UBXN2B: variants seen among roughly 807,000 people sequenced by gnomAD.
UBXN2B encodes the protein UBX domain protein 2B.
Under a neutral mutation model 37.5 loss-of-function variants are expected in UBXN2B, and 19 were observed. The ratio of observed to expected loss-of-function variants is 0.51; its 90% confidence interval spans 0.35 to 0.74. The LOEUF (loss-of-function observed/expected upper bound fraction) is 0.74. Ranked by LOEUF, UBXN2B falls within the 30% of genes least tolerant of loss-of-function variation. UBXN2B has a pLI of 0.01. For synonymous variants in UBXN2B, 145 were observed against 143.8 expected (o/e 1.01, Z -0.06); for missense variants, 370 against 393.2 (o/e 0.94, Z 0.50).
At chr8:58,427,169 A>G (rs1808122641) in intron 2 of UBXN2B, among the ~76,000 whole-genome samples, 9 of 152,230 alleles carry the variant, frequency 5.9e-5, no homozygotes, top group Admixed American at 5.9e-4. Context: ...GAATGAGGTA[A>G]TAAGATTTTG....
chr8:58,425,465 C>G, intron 2 of UBXN2B: 3 of 1,127,154 alleles, frequency 2.7e-6, no homozygotes, highest in Non-Finnish European at 4.1e-6. Context: ...TTGATGTCAT[C>G]TGAAACAGGC....
At chr8:58,419,811 T>A (rs576728728) in intron 2 of UBXN2B, among the ~76,000 whole-genome samples, 61 of 152,056 alleles carry the variant, frequency 4.0e-4, no homozygotes, top group African/African-American at 1.5e-3. Flanking sequence ...GCAAATAAGG[T>A]TGGATAGATG....
At chr8:58,412,467 A>T (rs1381141460) in intron 1 of UBXN2B, among the ~76,000 whole-genome samples, 2 of 152,350 alleles carry the variant, frequency 1.3e-5, no homozygotes, top group East Asian at 1.9e-4. Context: ...ATGGAGTATG[A>T]TTGGGTGCCA....
At chr8:58,430,262 G>A (rs1363035384) in intron 2 of UBXN2B, among the ~76,000 whole-genome samples, 1 of 152,200 alleles carries the variant, frequency 6.6e-6, no homozygotes, top group Non-Finnish European at 1.5e-5. Context: ...TGAGGGATCA[G>A]CAAGCAAGCC....
At chr8:58,440,023 T>C (rs887519026) in intron 6 of UBXN2B, among the ~76,000 whole-genome samples, 10 of 152,254 alleles carry the variant, frequency 6.6e-5, no homozygotes, top group East Asian at 1.9e-4. Context: ...CTAAGCCGTA[T>C]ACATGTGTTA....
chr8:58,438,284 C>T (rs1388780684), intron 5 of UBXN2B, among the ~76,000 whole-genome samples: 4 of 152,230 alleles, frequency 2.6e-5, no homozygotes, highest in Non-Finnish European at 1.5e-5. Flanking sequence ...AGCCCCCAGA[C>T]AGAGTCCCCA....
At chr8:58,447,274 T>C (rs1808703173) in intron 7 of UBXN2B, 115 bp from the exon 8 acceptor site, 1 of 971,956 alleles carries the variant, frequency 1.0e-6, no homozygotes, top group Non-Finnish European at 1.5e-6. Context: ...TAAAGAAAGT[T>C]ACAACACCTT....
At chr8:58,423,104 A>G (rs1198903277) in intron 2 of UBXN2B, among the ~76,000 whole-genome samples, 2 of 151,814 alleles carry the variant, frequency 1.3e-5, no homozygotes, top group African/African-American at 4.8e-5. Context: ...CATCATCATC[A>G]TCATCATCAT....
intron 2 of UBXN2B, chr8:58,424,690 G>GA (rs1299614093): frequency 7.6e-7 from 1 of 1,321,654 alleles, no homozygotes; most frequent in Non-Finnish European, 1.1e-6. Flanking sequence ...TACAAGGCGG[G>GA]GGGGGGGGCT....
At position 58,447,469 on chromosome 8, in the gene UBXN2B, C is replaced by T. The variant is rs766530496; in HGVS notation, c.914C>T (p.Pro305Leu). 23 of 1,613,170 alleles carry T rather than the reference C, an allele frequency of 1.4e-5. No individual in the cohort carries two copies. The highest frequency in any genetic ancestry group is 6.7e-5 in the East Asian group (3 of 44,842). ...GACTTTATTCTTGTGACTTCATTTCCGAATAAAGAGCTAACAGATGAAAGC... is the reference window on the plus strand; with the variant it reads ...GACTTTATTCTTGTGACTTCATTTCTGAATAAAGAGCTAACAGATGAAAGC... ...ALDFILVTSF[P>L]NKELTDESLT... is the part of the protein sequence containing the mutation. The change falls in exon 8 of 8, where the codon CCG (proline) becomes CTG (leucine). Residue 305 changes from proline to leucine, a missense_variant. Pro to Leu is a moderately conservative substitution (Grantham distance 98, BLOSUM62 -3). Around this residue, in one of 3 missense-constraint regions of UBXN2B, gnomAD observed 83 missense variants for 83.5 expected, o/e 0.99. Coordinates refer to ENST00000399598, the MANE Select transcript of UBXN2B (RefSeq NM_001077619.2).
chr8:58,425,811 G>A lies in UBXN2B; in HGVS notation c.189-4708G>A, dbSNP rs550054797. 50 of 1,166,728 alleles carry A rather than the reference G, an allele frequency of 4.3e-5. No individual in the cohort carries two copies. In the Admixed American group the frequency reaches 5.6e-4, roughly 13 times the overall value. 72.3% of individuals were successfully genotyped at this position (1,166,728 alleles called of 1,614,324 possible). A position where few individuals can be genotyped will look rare whatever the true frequency, so the allele number is the denominator to read the frequency against. On this transcript the variant is annotated intron_variant, in intron 2 of 7. Transcript: ENST00000399598. ...ACAAGATCTGTCAAAGAATCATACC[G>A]TTCTCCTCCACCAACATCGTATTTC... is the stretch of plus-strand genomic sequence containing the variant.
chr8:58,440,745 G>C (rs1223114209), intron 6 of UBXN2B, among the ~76,000 whole-genome samples: 2 of 152,014 alleles, frequency 1.3e-5, no homozygotes, highest in Non-Finnish European at 2.9e-5. Flanking sequence ...GTGTACACTG[G>C]TTGTCTATTC....
At chr8:58,434,131 G>T (rs1372385353) in intron 4 of UBXN2B, among the ~76,000 whole-genome samples, 1 of 151,942 alleles carries the variant, frequency 6.6e-6, no homozygotes, top group African/African-American at 2.4e-5. Context: ...TCGAGGCCAG[G>T]GTCCACCTGC....
intron 2 of UBXN2B, among the ~76,000 whole-genome samples, chr8:58,421,685 T>G (rs1807928623): frequency 6.6e-6 from 1 of 152,192 alleles, no homozygotes; most frequent in Non-Finnish European, 1.5e-5. Context: ...ACCTCAAGCT[T>G]TCTCCATCAT....
intron 2 of UBXN2B, among the ~76,000 whole-genome samples, chr8:58,424,140 T>C (rs936322234): frequency 5.3e-5 from 8 of 151,800 alleles, no homozygotes; most frequent in Admixed American, 3.9e-4. Context: ...CTCACTTTTC[T>C]AAGATGTTGT....
At chr8:58,433,723 C>A (rs1052752527) in intron 4 of UBXN2B, among the ~76,000 whole-genome samples, 3 of 151,588 alleles carry the variant, frequency 2.0e-5, no homozygotes, top group Admixed American at 1.3e-4. Flanking sequence ...ATTGTTTGAG[C>A]CCAGGAGTTC....
intron 3 of UBXN2B, among the ~76,000 whole-genome samples, chr8:58,432,375 CTTTTTTT>C (rs34018318): frequency 1.9e-3 from 153 of 81,504 alleles, no homozygotes; most frequent in African/African-American, 4.1e-3. Context: ...TTCTAAATTT[CTTTTTTT>C]TTTTTTTTTT....
At chr8:58,442,256 A>G (rs1186379175) in intron 6 of UBXN2B, among the ~76,000 whole-genome samples, 4 of 152,228 alleles carry the variant, frequency 2.6e-5, no homozygotes, top group Non-Finnish European at 4.4e-5. Context: ...TGATGATGTG[A>G]GCCTATGTGT....
chr8:58,425,791 A>T lies in UBXN2B; in HGVS notation c.189-4728A>T, dbSNP rs906881915. 1.3e-5 allele frequency: 15 copies of T among 1,177,534 alleles called. No homozygotes were observed. The African/African-American group carries it at 2.3e-4, about 18-fold the overall frequency. 72.9% of individuals were successfully genotyped at this position (1,177,534 alleles called of 1,614,324 possible). ...GATTCTTCTTGTAATGTTCCACAAG[A>T]TCTGTCAAAGAATCATACCGTTCTC... On this transcript the variant is annotated intron_variant, in intron 2 of 7. Transcript: ENST00000399598.
Sources: gnomAD v4.1 joint callset for allele counts (sites outside exome capture counted in the v4.1 genomes callset) on GRCh38, gnomAD v4.1.1 for gene constraint, gnomAD v4.1.1 regional missense constraint, MANE v1.5 for transcripts, NCBI Gene and HGNC (gene_info 2026-07-23, HGNC 2026-07-21) for gene names.